Variants in ZNF320 observed in about 807,000 individuals in gnomAD.
The protein encoded by ZNF320 is zinc finger gene 320.
Under a neutral mutation model 6.8 loss-of-function variants are expected in ZNF320, and 2 were observed. The ratio of observed to expected loss-of-function variants is 0.29; its 90% confidence interval spans 0.12 to 0.93. The LOEUF (loss-of-function observed/expected upper bound fraction) is 0.93. ZNF320 is among the 40% of genes least tolerant of loss of function. The pLI, the probability that ZNF320 is intolerant of heterozygous loss-of-function variation, is 0.55. For synonymous variants in ZNF320, 208 were observed against 203.2 expected (o/e 1.02, Z -0.20); for missense variants, 472 against 611.0 (o/e 0.77, Z 2.40).
rs147530933 is a variant in ZNF320, at chr19:52,868,208, T to C, written c.224-4049A>G. 5.5e-3 allele frequency among the ~76,000 whole-genome samples: 843 copies of C among 152,168 alleles called. 10 individuals are homozygous for C. Among genetic ancestry groups the C allele is most frequent in the African/African-American group, 0.019 (806 of 41,532 alleles). The stretch of plus-strand genomic sequence containing the variant: ...GAAGCCATCTAATAGCACTAACTTG[T>C]TTAAAAACCTGGAGGCATCCAGGCG... On this transcript the variant is annotated intron_variant, in intron 5 of 5. Transcript: ENST00000673631.
exon 6 of ZNF320, among the ~76,000 whole-genome samples, chr19:52,861,330 TCC>T (rs1392350410): frequency 1.3e-5 from 2 of 152,170 alleles, no homozygotes; most frequent in Non-Finnish European, 2.9e-5. Context: ...TACCTTGAAA[TCC>T]ACAAACACTG....
chr19:52,863,947 CA>C, exon 6 of ZNF320: 2 of 404,680 alleles, frequency 4.9e-6, no homozygotes, highest in Non-Finnish European at 9.4e-6. Flanking sequence ...ACGTATGGGG[CA>C]AAATCACAAA....
At position 52,881,168 on chromosome 19, in the gene ZNF320, G is replaced by A. The variant is rs544563388; in HGVS notation, c.958C>T (p.Arg320Cys). The A allele has an allele frequency of 5.6e-6, 9 of 1,613,596 alleles. No homozygotes were observed. Among genetic ancestry groups the A allele is most frequent in the East Asian group, 2.2e-5 (1 of 44,828 alleles). Reference protein sequence around the residue: ...FKQRATLAGHRRVHTGEKPYR... With the variant: ...FKQRATLAGHCRVHTGEKPYR... ...GGTTTCTCTCCAGTGTGAACTCTAC[G>A]ATGTCCTGCAAGAGTTGCTCGTTGC... Residue 320 changes from arginine (R) to cysteine (C), a missense_variant, in exon 6 of 6, where the codon CGT (arginine) becomes TGT (cysteine). Around this residue, in one of 2 missense-constraint regions of ZNF320, gnomAD observed 462 missense variants for 559.7 expected, o/e 0.83. Coordinates refer to ENST00000682928, the MANE Select transcript of ZNF320 (RefSeq NM_001351774.2).
chr19:52,872,453 G>C (rs149347418), downstream of ZNF320, among the ~76,000 whole-genome samples: 18 of 152,322 alleles, frequency 1.2e-4, no homozygotes, highest in African/African-American at 4.1e-4. Context: ...GCAGCGCTCA[G>C]CAAGTGAGGA....
exon 6 of ZNF320, among the ~76,000 whole-genome samples, chr19:52,861,429 C>A (rs1352093099): frequency 6.6e-6 from 1 of 152,058 alleles, no homozygotes; most frequent in Non-Finnish European, 1.5e-5. Flanking sequence ...GATTATATAA[C>A]CTAATGTGAT....
At chr19:52,867,831 C>T (rs1042543468) in intron 5 of ZNF320, among the ~76,000 whole-genome samples, 7 of 152,046 alleles carry the variant, frequency 4.6e-5, no homozygotes, top group South Asian at 2.1e-4. Flanking sequence ...AGGCTGGTCT[C>T]GAAGTCCTGA....
intron 5 of ZNF320, among the ~76,000 whole-genome samples, chr19:52,864,553 C>G (rs761506236): frequency 6.6e-6 from 1 of 151,966 alleles, no homozygotes; most frequent in Non-Finnish European, 1.5e-5. Context: ...AATCCCAGCA[C>G]GTTGAGAAGT....
At chr19:52,887,625 C>T (rs1292677342) in intron 5 of ZNF320, among the ~76,000 whole-genome samples, 4 of 152,168 alleles carry the variant, frequency 2.6e-5, no homozygotes, top group African/African-American at 9.7e-5. Context: ...CTTGCTCTGT[C>T]GTCTGGGCTG....
At chr19:52,890,052 C>T (rs1600645813) in intron 4 of ZNF320, among the ~76,000 whole-genome samples, 189 bp downstream of exon 4, 1 of 152,030 alleles carries the variant, frequency 6.6e-6, no homozygotes, top group African/African-American at 2.4e-5. Context: ...CAGCCTCTTC[C>T]CAACTTCATG....
At chr19:52,866,722 T>A (rs980393886) in intron 5 of ZNF320, among the ~76,000 whole-genome samples, 2 of 151,990 alleles carry the variant, frequency 1.3e-5, no homozygotes, top group Non-Finnish European at 2.9e-5. Context: ...AATATAACCA[T>A]TAGCCAAGCA....
downstream of ZNF320, chr19:52,874,204 C>G (rs146847257): frequency 3.7e-5 from 7 of 187,816 alleles, no homozygotes; most frequent in African/African-American, 1.7e-4. Context: ...AGAGATTATG[C>G]GGAGATAAGA....
chr19:52,876,291 A>T lies in ZNF320; in HGVS notation c.*4305T>A, dbSNP rs990409670. The T allele has an allele frequency of 6.6e-6, 1 of 152,230 alleles. No homozygotes were observed. Among genetic ancestry groups the T allele is most frequent in the African/African-American group, 2.4e-5 (1 of 41,462 alleles). The allele number at this position is 152,230 out of a possible 1,614,324, so 9.4% of individuals were successfully genotyped here. The stretch of plus-strand genomic sequence containing the variant: ...TATCAGGTACTAGAAAATGTTTCCA[A>T]TGTATGATACAGACTAGAAAGCATG... On this transcript the variant is annotated 3_prime_UTR_variant, in exon 6 of 6. Transcript: ENST00000682928.
chr19:52,890,858 T>C (rs1490587171), intron 3 of ZNF320, among the ~76,000 whole-genome samples: 1 of 146,502 alleles, frequency 6.8e-6, no homozygotes, highest in East Asian at 2.0e-4. Flanking sequence ...CTACTAAAAA[T>C]ACAAAAATTG....
At position 52,881,562 on chromosome 19, in the gene ZNF320, T is replaced by C. The variant is rs1412914731; in HGVS notation, c.564A>G (p.Pro188=). 2 of 1,613,826 alleles carry C rather than the reference T, an allele frequency of 1.2e-6. No homozygotes were observed. Among genetic ancestry groups the C allele is most frequent in the South Asian group, 1.1e-5 (1 of 91,080 alleles). The change falls in exon 6 of 6, where the codon CCA becomes CCG. Residue 188 remains proline, a synonymous_variant. Coordinates refer to ENST00000682928, the MANE Select transcript of ZNF320 (RefSeq NM_001351774.2). ...IHRIIHTGEK[P]YKCKVCDKAF... ...CCTTGTCGCAAACCTTACATTTGTA[T>C]GGTTTCTCTCCAGTATGAATTATCC...
chr19:52,875,320 C>T (rs759925831), downstream of ZNF320, among the ~76,000 whole-genome samples: 4 of 152,090 alleles, frequency 2.6e-5, no homozygotes, highest in Non-Finnish European at 5.9e-5. Context: ...GCTGAGGAGA[C>T]AACTGCACAC....
In ZNF320 at chr19:52,891,333, G is replaced by C. The variant is rs1226948167; in HGVS notation, c.-178C>G. The C allele has an allele frequency of 6.6e-6, 1 of 151,440 alleles. No individual in the cohort carries two copies. The highest frequency in any genetic ancestry group is 6.6e-5 in the Admixed American group (1 of 15,170). 9.4% of individuals were successfully genotyped at this position (151,440 alleles called of 1,614,324 possible). On this transcript the variant is annotated 5_prime_UTR_variant, in exon 3 of 6. Coordinates refer to ENST00000682928, the MANE Select transcript of ZNF320 (RefSeq NM_001351774.2). ...AGGAGACTGCACTCACAGCCTGAAGGACAGAGTGAGACTCTGTTTGAGGAA... is the reference window on the plus strand; with the variant it reads ...AGGAGACTGCACTCACAGCCTGAAGCACAGAGTGAGACTCTGTTTGAGGAA...
chr19:52,896,628 G>A (rs1279941255), intron 1 of ZNF320, among the ~76,000 whole-genome samples: 4 of 152,134 alleles, frequency 2.6e-5, no homozygotes, highest in African/African-American at 7.2e-5. Context: ...AGGATCGCTT[G>A]AGCATAGGAT....
chr19:52,886,106 A>G (rs141871922), intron 5 of ZNF320, among the ~76,000 whole-genome samples: 1 of 108,598 alleles, frequency 9.2e-6, no homozygotes, highest in Non-Finnish European at 2.1e-5. Context: ...GAGAAGAAGT[A>G]GTTTTTGTAG....
chr19:52,868,925 T>G lies in ZNF320; in HGVS notation c.224-4766A>C, dbSNP rs368417961. Among the ~76,000 whole-genome samples, 493 of 143,024 alleles carry G rather than the reference T, an allele frequency of 3.4e-3. 2 individuals are homozygous for G. The highest frequency in any genetic ancestry group is 8.3e-3 in the African/African-American group (314 of 37,716). The allele number at this position is 143,024 out of a possible 152,430, so 93.8% of individuals were successfully genotyped here. A position where few individuals can be genotyped will look rare whatever the true frequency, so the allele number is the denominator to read the frequency against. On this transcript the variant is annotated intron_variant, in intron 5 of 5. Transcript: ENST00000673631. ...ATGAATAAGGTCTTGACTTACTCAG[T>G]GAGAGTAGTGTTGGAGGGGAGGGGC...
Sources: allele counts gnomAD v4.1 joint callset (sites outside exome capture counted in the v4.1 genomes callset), GRCh38; gene constraint gnomAD v4.1.1; regional missense constraint gnomAD v4.1.1; transcripts MANE v1.5; gene names NCBI Gene and HGNC (gene_info 2026-07-23, HGNC 2026-07-21).